Variants in SYT1 observed in about 807,000 individuals in gnomAD.
SYT1 encodes synaptotagmin 1.
A neutral mutation model predicts 44.8 loss-of-function variants in SYT1; 8 were observed. That is an observed-to-expected ratio of 0.18 (90% CI 0.10 to 0.32). The LOEUF (loss-of-function observed/expected upper bound fraction) is 0.32. SYT1 is among the 10% of genes least tolerant of loss of function. The pLI, the probability that SYT1 is intolerant of heterozygous loss-of-function variation, is 1.00. For missense variants in SYT1, 286 were observed against 509.3 expected, an observed-to-expected ratio of 0.56 and a Z score of 4.22; for synonymous variants, 154 against 188.8, an observed-to-expected ratio of 0.82 and a Z score of 1.51.
chr12:79,260,374 T>A (rs573824022), intron 4 of SYT1, among the ~76,000 whole-genome samples: 4 of 152,352 alleles, frequency 2.6e-5, no homozygotes, highest in Admixed American at 6.5e-5. Context: ...TATTTTGACA[T>A]AATGCTACTT....
intron 1 of SYT1, among the ~76,000 whole-genome samples, chr12:78,968,734 T>A (rs1424205875): frequency 1.3e-5 from 2 of 152,060 alleles, no homozygotes; most frequent in Non-Finnish European, 2.9e-5. Flanking sequence ...AACCCAGACT[T>A]TAGAGGGACC....
intron 3 of SYT1, among the ~76,000 whole-genome samples, chr12:79,086,399 G>A (rs779054038): frequency 6.6e-6 from 1 of 152,064 alleles, no homozygotes; most frequent in Non-Finnish European, 1.5e-5. Flanking sequence ...AAGATACTGA[G>A]GAATGAAGTA....
At chr12:79,080,079 C>T (rs762997329) in intron 3 of SYT1, among the ~76,000 whole-genome samples, 3 of 151,892 alleles carry the variant, frequency 2.0e-5, no homozygotes, top group African/African-American at 2.4e-5. Context: ...AAAGTAAAAC[C>T]TTCACTTCTT....
At chr12:78,870,406 G>A (rs765313662) in intron 1 of SYT1, among the ~76,000 whole-genome samples, 1 of 151,962 alleles carries the variant, frequency 6.6e-6, no homozygotes, top group African/African-American at 2.4e-5. Context: ...TTAGAGTTCC[G>A]ATATTTTTTT....
chr12:79,050,041 A>G (rs1948345441), intron 3 of SYT1, among the ~76,000 whole-genome samples: 1 of 152,040 alleles, frequency 6.6e-6, no homozygotes, highest in South Asian at 2.1e-4. Flanking sequence ...ACACAGTCCT[A>G]AAATTCCATG....
intron 3 of SYT1, among the ~76,000 whole-genome samples, chr12:79,106,091 A>G (rs188429913): frequency 6.6e-6 from 1 of 152,166 alleles, no homozygotes; most frequent in Non-Finnish European, 1.5e-5. Context: ...AGTGAACTGT[A>G]GACCTGCTGC....
At chr12:79,355,178 G>A (rs942720210) in intron 9 of SYT1, among the ~76,000 whole-genome samples, 1 of 152,136 alleles carries the variant, frequency 6.6e-6, no homozygotes, top group South Asian at 2.1e-4. Flanking sequence ...AGAGAGGCTG[G>A]CTGCAGGCAT....
At chr12:79,094,081 A>T (rs1453249650) in intron 3 of SYT1, among the ~76,000 whole-genome samples, 1 of 151,726 alleles carries the variant, frequency 6.6e-6, no homozygotes, top group Non-Finnish European at 1.5e-5. Flanking sequence ...ATTAACAATT[A>T]ATGTTCCAGT....
At chr12:79,231,723 A>G (rs560939447) in intron 4 of SYT1, among the ~76,000 whole-genome samples, 1 of 152,178 alleles carries the variant, frequency 6.6e-6, no homozygotes, top group African/African-American at 2.4e-5. Context: ...AATGTAAAAA[A>G]TTTATTTTTG....
At chr12:79,215,335 GA>G (rs1874720159) in intron 3 of SYT1, among the ~76,000 whole-genome samples, 1 of 151,986 alleles carries the variant, frequency 6.6e-6, no homozygotes, top group Non-Finnish European at 1.5e-5. Context: ...TGGAGCAATG[GA>G]ACAAATTAAT....
intron 8 of SYT1, among the ~76,000 whole-genome samples, chr12:79,320,242 A>G (rs1037186831): frequency 6.6e-6 from 1 of 152,294 alleles, no homozygotes; most frequent in African/African-American, 2.4e-5. Context: ...CCAAATTTCC[A>G]TCCCAAAACC....
chr12:78,925,251 T>A (rs1301550935), intron 1 of SYT1, among the ~76,000 whole-genome samples: 1 of 151,938 alleles, frequency 6.6e-6, no homozygotes. Context: ...TGGCCACAAT[T>A]TATTTTATTT....
chr12:79,106,630 G>A (rs1481481474), intron 3 of SYT1, among the ~76,000 whole-genome samples: 1 of 148,616 alleles, frequency 6.7e-6, no homozygotes, highest in Non-Finnish European at 1.5e-5. Flanking sequence ...CATTTTTAAA[G>A]CCTAGAATAA....
chr12:79,033,435 C>T (rs1052542794), intron 2 of SYT1, among the ~76,000 whole-genome samples: 4 of 151,342 alleles, frequency 2.6e-5, no homozygotes, highest in Non-Finnish European at 5.9e-5. Context: ...TCTTTGAATT[C>T]TCCTCTGAAT....
intron 1 of SYT1, among the ~76,000 whole-genome samples, chr12:78,897,116 T>C (rs1213277141): frequency 6.6e-6 from 1 of 151,870 alleles, no homozygotes; most frequent in East Asian, 1.9e-4. Flanking sequence ...ACATATAGAC[T>C]ACAAAATAGC....
At chr12:79,438,948 A>T (rs1224687906) in intron 9 of SYT1, among the ~76,000 whole-genome samples, 1 of 152,180 alleles carries the variant, frequency 6.6e-6, no homozygotes, top group East Asian at 1.9e-4. Flanking sequence ...GACAGTATAG[A>T]GTTTTCTCAG....
rs1407136922 is a variant in SYT1, at chr12:79,285,916, A to T, written c.296A>T (p.Lys99Met). Reference protein sequence around the residue: ...NKKKGKEKGGKNAINMKDVKD... With the variant: ...NKKKGKEKGGMNAINMKDVKD... ...AAGAAGGGAAAGGAAAAAGGAGGGA[A>T]GAATGCCATTAACATGAAAGATGTA... The change falls in exon 5 of 11, where the codon AAG becomes ATG. Residue 99 changes from lysine (K) to methionine (M), a missense_variant. Around this residue, in one of 6 missense-constraint regions of SYT1, gnomAD observed 141 missense variants for 165.7 expected, o/e 0.85. Transcript: ENST00000261205. The T allele has an allele frequency of 6.2e-7, 1 of 1,613,812 alleles. No homozygotes were observed. The highest frequency in any genetic ancestry group is 1.7e-5 in the Admixed American group (1 of 59,934).
intron 3 of SYT1, among the ~76,000 whole-genome samples, chr12:79,087,010 T>C (rs1484990646): frequency 6.6e-6 from 1 of 152,148 alleles, no homozygotes; most frequent in Non-Finnish European, 1.5e-5. Context: ...AACTAAAGTA[T>C]AAAAAACCAG....
At chr12:79,314,980 G>A (rs530907082) in intron 8 of SYT1, among the ~76,000 whole-genome samples, 2 of 152,288 alleles carry the variant, frequency 1.3e-5, no homozygotes, top group African/African-American at 4.8e-5. Flanking sequence ...CTAAGGGTAA[G>A]GTTAGGGTAG....
Sources: allele counts gnomAD v4.1 joint callset (sites outside exome capture counted in the v4.1 genomes callset), GRCh38; gene constraint gnomAD v4.1.1; regional missense constraint gnomAD v4.1.1; transcripts MANE v1.5; gene names NCBI Gene and HGNC (gene_info 2026-07-23, HGNC 2026-07-21).